The following CELSR1 variants were observed in gnomAD, a reference collection of about 807,000 sequenced individuals.
CELSR1 encodes adhesion G protein-coupled receptor C1.
In CELSR1, 110 loss-of-function variants were observed where a neutral mutation model predicts 249.1. That is an observed-to-expected ratio of 0.44 (90% CI 0.38 to 0.52). The LOEUF is 0.52. Among genes scored for constraint, CELSR1 ranks in the 20% least tolerant of loss-of-function variants. The probability of loss-of-function intolerance (pLI) is 0.00; values close to 1 mark genes in which losing one functional copy is unlikely to be tolerated. For synonymous variants in CELSR1, 2,113 were observed against 1,900.0 expected (o/e 1.11, Z -2.92); for missense variants, 4,109 against 4,296.4 (o/e 0.96, Z 1.22).
rs554546615 is a variant in CELSR1, at chr22:46,439,364, C to G, written c.4231G>C (p.Val1411Leu). The change falls in exon 3 of 35, where the codon GTG becomes CTG. Residue 1411 changes from valine to leucine, a missense_variant. This residue lies in a region of CELSR1 where 453 missense variants were observed against 492.0 expected (regional missense o/e 0.92). Transcript: ENST00000674500. The stretch of plus-strand genomic sequence containing the variant: ...ACGCAGGTGCCCCCGTTCTTGCACA[C>G]CCCGTTGGCACAGCGGCCTGAGCGG... The part of the protein sequence containing the change: ...DARSGRCANG[V>L]CKNGGTCVNL... 6 of 1,613,866 alleles carry G rather than the reference C, an allele frequency of 3.7e-6. No homozygotes were observed. In the African/African-American group the frequency reaches 8.0e-5, roughly 22 times the overall value.
chr22:46,528,219 G>A (rs569003586), intron 1 of CELSR1, among the ~76,000 whole-genome samples: 10 of 151,914 alleles, frequency 6.6e-5, no homozygotes, highest in Non-Finnish European at 1.0e-4. Flanking sequence ...CTTTGCAATC[G>A]TCTGTTTAAA....
intron 2 of CELSR1, among the ~76,000 whole-genome samples, chr22:46,455,099 T>C (rs2079932089): frequency 6.6e-6 from 1 of 152,142 alleles, no homozygotes; most frequent in East Asian, 1.9e-4. Context: ...GTGAGTCAGA[T>C]ACCACCTGGG....
At chr22:46,481,993 G>A (rs528308509) in intron 1 of CELSR1, among the ~76,000 whole-genome samples, 8 of 152,130 alleles carry the variant, frequency 5.3e-5, no homozygotes, top group African/African-American at 1.7e-4. Context: ...GGCTGGTCTC[G>A]AACTCCTGAG....
In CELSR1 at chr22:46,487,224, T is replaced by TA. The variant is rs569518915; in HGVS notation, c.3545-22880dup. 9.2e-5 allele frequency among the ~76,000 whole-genome samples: 14 copies of TA among 152,220 alleles called. No individual in the cohort carries two copies. The South Asian group carries it at 2.7e-3, about 29-fold the overall frequency. On this transcript the variant is annotated intron_variant, in intron 1 of 34. Transcript: ENST00000674500. The stretch of plus-strand genomic sequence containing the variant: ...CAAGTAACAAATTGGATTTCCCTCT[T>TA]AGAGTACCCCAAGGGTCCTGAAAGA...
In CELSR1 at chr22:46,445,351, G is replaced by A. The variant is rs998406001; in HGVS notation, c.4184-5940C>T. On this transcript the variant is annotated intron_variant, in intron 2 of 34. Coordinates refer to ENST00000674500, the MANE Select transcript of CELSR1 (RefSeq NM_001378328.1). This position sits in a 1 kb window ranked among gnomAD's most constrained non-coding sequence, Gnocchi z 4.4. Reference sequence around the variant, plus strand: ...TCTACTAAAAATATAAAAATTAGCCGGGTATGGTGGCGCATGCCTGTAGTC... The same window carrying A: ...TCTACTAAAAATATAAAAATTAGCCAGGTATGGTGGCGCATGCCTGTAGTC... Among the ~76,000 whole-genome samples, 2 of 151,576 alleles carry A rather than the reference G, an allele frequency of 1.3e-5. No homozygotes were observed. Among genetic ancestry groups the A allele is most frequent in the African/African-American group, 2.4e-5 (1 of 41,208 alleles).
rs1340717557 is a variant in CELSR1, at chr22:46,536,698, C to T, written c.473G>A (p.Cys158Tyr). The T allele has an allele frequency of 2.6e-6, 3 of 1,171,280 alleles. No individual in the cohort carries two copies. Among genetic ancestry groups the T allele is most frequent in the Non-Finnish European group, 3.2e-6 (3 of 950,776 alleles). The allele number at this position is 1,171,280 out of a possible 1,614,324, so 72.6% of individuals were successfully genotyped here. Residue 158 changes from cysteine (C) to tyrosine (Y), a missense_variant, in exon 1 of 35, where the codon TGC (cysteine) becomes TAC (tyrosine). By Grantham distance (194) the Cys-to-Tyr change is radical. Coordinates refer to ENST00000674500, the MANE Select transcript of CELSR1 (RefSeq NM_001378328.1). Reference sequence around the variant, plus strand: ...ACAGCGGGGCCTGGGGCGCGGCGGGCAGCGGCAGGCGGGTAAGGTGGTCGG... The same window carrying T: ...ACAGCGGGGCCTGGGGCGCGGCGGGTAGCGGCAGGCGGGTAAGGTGGTCGG... ...AAPTTLPACRCPPRPRPRCPG... is the reference protein window; with the variant it reads ...AAPTTLPACRYPPRPRPRCPG...
Position 46,363,220 on chromosome 22 carries a change from G to A in CELSR1, c.*3C>T. On this transcript the variant is annotated 3_prime_UTR_variant, in exon 35 of 35. Coordinates refer to ENST00000674500, the MANE Select transcript of CELSR1 (RefSeq NM_001378328.1). This position sits in a 1 kb window ranked among gnomAD's most constrained non-coding sequence, Gnocchi z 4.3. ...TTCAAATTGAAGTTTCATTACTGAT[G>A]GTTCAAATTGAAGTTTCATTACTGC... is the stretch of plus-strand genomic sequence containing the variant. 1 of 1,585,066 alleles carries A rather than the reference G, an allele frequency of 6.3e-7. No homozygotes were observed. The highest frequency in any genetic ancestry group is 1.1e-5 in the South Asian group (1 of 91,008).
In CELSR1 at chr22:46,364,698, C is replaced by A. The variant is rs766880229; in HGVS notation, c.8593G>T (p.Asp2865Tyr). The A allele has an allele frequency of 6.2e-7, 1 of 1,612,426 alleles. No homozygotes were observed. Among genetic ancestry groups the A allele is most frequent in the South Asian group, 1.1e-5 (1 of 91,056 alleles). Residue 2865 changes from aspartate to tyrosine, a missense_variant, in exon 33 of 35, where the codon GAC (aspartate) becomes TAC (tyrosine). By Grantham distance (160) the Asp-to-Tyr change is radical (BLOSUM62 -3). Around this residue, in one of 7 missense-constraint regions of CELSR1, gnomAD observed 1,805 missense variants for 1,831.6 expected, o/e 0.99. Coordinates refer to ENST00000674500, the MANE Select transcript of CELSR1 (RefSeq NM_001378328.1). Reference sequence around the variant, plus strand: ...CTGTCACTCTCAGCCAGGCTCTGGTCGGGCCAGCCGGCCGGAACGTGGTTG... The same window carrying A: ...CTGTCACTCTCAGCCAGGCTCTGGTAGGGCCAGCCGGCCGGAACGTGGTTG... ...VANHVPAGWP[D>Y]QSLAESDSED... is the part of the protein sequence containing the mutation.
At chr22:46,479,292 C>T (rs1176280944) in intron 1 of CELSR1, among the ~76,000 whole-genome samples, 1 of 152,048 alleles carries the variant, frequency 6.6e-6, no homozygotes, top group Non-Finnish European at 1.5e-5. Flanking sequence ...CTCTGAAATG[C>T]TGACTCATCT....
At chr22:46,369,438 C>A (rs2078826104) in intron 26 of CELSR1, among the ~76,000 whole-genome samples, 180 bp from the exon 27 acceptor site, 1 of 152,236 alleles carries the variant, frequency 6.6e-6, no homozygotes, top group African/African-American at 2.4e-5. Context: ...CCCACCACAC[C>A]CAGCCTGCCT....
At position 46,411,289 on chromosome 22, in the gene CELSR1, G is replaced by C. The variant is rs966015982; in HGVS notation, c.4769+313C>G. ...CACTTAACAGAGTCCTGGAGTCCCA[G>C]GTACCAGAATTTGCGGGGACAAAGC... is the stretch of plus-strand genomic sequence containing the variant. On this transcript the variant is annotated intron_variant, in intron 6 of 34. Transcript: ENST00000674500. The surrounding 1 kb of genome is among the most constrained non-coding windows in gnomAD (Gnocchi z 4.2). Among the ~76,000 whole-genome samples the C allele has an allele frequency of 2.6e-5, 4 of 152,196 alleles. No homozygotes were observed. The highest frequency in any genetic ancestry group is 9.6e-5 in the African/African-American group (4 of 41,460).
intron 5 of CELSR1, among the ~76,000 whole-genome samples, chr22:46,422,592 A>AAAAT (rs547687556): frequency 0.037 from 5,517 of 148,970 alleles, 323 homozygotes; most frequent in African/African-American, 0.13. Context: ...ATAATAATAA[A>AAAAT]AAATAAATAA....
At position 46,440,908 on chromosome 22, in the gene CELSR1, T is replaced by C. The variant is rs888572160; in HGVS notation, c.4184-1497A>G. The stretch of plus-strand genomic sequence containing the variant: ...TGGCTCACACCTATCATCCCAGCAC[T>C]TTGGGAGGCTGAGGTGGGTGGATGT... On this transcript the variant is annotated intron_variant, in intron 2 of 34. Transcript: ENST00000674500. The surrounding 1 kb of genome is among the most constrained non-coding windows in gnomAD (Gnocchi z 4.7). 1.3e-5 allele frequency among the ~76,000 whole-genome samples: 2 copies of C among 152,076 alleles called. No homozygotes were observed. The highest frequency in any genetic ancestry group is 6.5e-5 in the Admixed American group (1 of 15,274).
Position 46,439,316 on chromosome 22 carries a change from G to A in CELSR1, c.4279C>T (p.His1427Tyr), listed in dbSNP as rs1023521226. Residue 1427 changes from histidine to tyrosine, a missense_variant, in exon 3 of 35, where the codon CAC (histidine) becomes TAC (tyrosine). Transcript: ENST00000674500. The part of the protein sequence containing the change: ...TCVNLLIGGF[H>Y]CVCPPGEYER... ...TACTCGCCAGGAGGACACACGCAGT[G>A]GAAGCCGCCGATGAGCAGGTTCACG... The A allele has an allele frequency of 6.2e-7, 1 of 1,613,746 alleles. No individual in the cohort carries two copies. The highest frequency in any genetic ancestry group is 1.1e-5 in the South Asian group (1 of 91,088).
rs989100409 is a variant in CELSR1, at chr22:46,399,857, C to T, written c.5272G>A (p.Asp1758Asn). The change falls in exon 10 of 35, where the codon GAT becomes AAT. Residue 1758 changes from aspartate (D) to asparagine (N), a missense_variant. Coordinates refer to ENST00000674500, the MANE Select transcript of CELSR1 (RefSeq NM_001378328.1). The surrounding 1 kb of genome is among the most constrained non-coding windows in gnomAD (Gnocchi z 5.0). Reference protein sequence around the residue: ...LQFEVSHGPSDVESVMLSGLR... With the variant: ...LQFEVSHGPSNVESVMLSGLR... The stretch of plus-strand genomic sequence containing the variant: ...CCGGACAGCATCACGGACTCCACAT[C>T]GGAGGGGCCGTGGGACACCTCAAAC... 6 of 1,614,130 alleles carry T rather than the reference C, an allele frequency of 3.7e-6. No homozygotes were observed. The highest frequency in any genetic ancestry group is 1.1e-5 in the South Asian group (1 of 91,088).
intron 2 of CELSR1, among the ~76,000 whole-genome samples, chr22:46,456,541 T>G (rs554202481): frequency 7.9e-5 from 12 of 151,530 alleles, no homozygotes; most frequent in African/African-American, 2.9e-4. Context: ...TGGGCACCTG[T>G]AGTCCCAGCT....
intron 1 of CELSR1, among the ~76,000 whole-genome samples, chr22:46,513,412 T>A (rs2080593501): frequency 6.6e-6 from 1 of 152,046 alleles, no homozygotes; most frequent in African/African-American, 2.4e-5. Context: ...TACCTGACCA[T>A]ACCAAGAAGT....
chr22:46,389,234 C>T (rs6007898), intron 18 of CELSR1, 56 bp downstream of exon 18: 100,740 of 1,572,984 alleles, frequency 0.064, 3,599 homozygotes, highest in African/African-American at 0.073. Flanking sequence ...CACCCACCCA[C>T]GGGCATCCGA....
Position 46,361,926 on chromosome 22 carries a change from T to G in CELSR1, c.*1297A>C, listed in dbSNP as rs1330113832. ...CCAGCTGCCTGCAGTGGGCCCGACC[T>G]TGGTGTGAATTTCCAAAAACAGTTT... On this transcript the variant is annotated 3_prime_UTR_variant, in exon 35 of 35. Transcript: ENST00000674500. The G allele has an allele frequency of 6.6e-6, 1 of 152,254 alleles. No homozygotes were observed. Among genetic ancestry groups the G allele is most frequent in the Non-Finnish European group, 1.5e-5 (1 of 68,050 alleles). The allele number at this position is 152,254 out of a possible 1,614,324, so 9.4% of individuals were successfully genotyped here. A position where few individuals can be genotyped will look rare whatever the true frequency, so the allele number is the denominator to read the frequency against.
Sources: gnomAD v4.1 joint callset for allele counts (sites outside exome capture counted in the v4.1 genomes callset) on GRCh38, gnomAD v4.1.1 for gene constraint, gnomAD v4.1.1 regional missense constraint, Gnocchi (gnomAD v3.1) non-coding constraint, MANE v1.5 for transcripts, NCBI Gene and HGNC (gene_info 2026-07-23, HGNC 2026-07-21) for gene names.